Variants in RSF1 observed in about 807,000 individuals in gnomAD.
The protein encoded by RSF1 is HBV pX-associated protein 8.
A neutral mutation model predicts 145.2 loss-of-function variants in RSF1; 13 were observed. That is an observed-to-expected ratio of 0.09 (90% confidence interval 0.06 to 0.14). The LOEUF (loss-of-function observed/expected upper bound fraction) is 0.14. Among genes scored for constraint, RSF1 ranks in the 10% least tolerant of loss-of-function variants. The pLI is 1.00. For synonymous variants in RSF1, 577 were observed against 592.6 expected (o/e 0.97, Z 0.38); for missense variants, 1,517 against 1,718.2 (o/e 0.88, Z 2.07).
At chr11:77,790,111 AT>A (rs920122648) in intron 1 of RSF1, among the ~76,000 whole-genome samples, 3 of 152,152 alleles carry the variant, frequency 2.0e-5, no homozygotes, top group African/African-American at 7.2e-5. Context: ...GTATGAATCC[AT>A]TTTCACACTG....
intron 4 of RSF1, among the ~76,000 whole-genome samples, chr11:77,740,405 G>A (rs1961480410): frequency 6.6e-6 from 1 of 152,102 alleles, no homozygotes; most frequent in Non-Finnish European, 1.5e-5. Context: ...AGCTAAATAA[G>A]AACCAAACAA....
chr11:77,846,645 G>A, the RSF1 span, among the ~76,000 whole-genome samples: 1 of 152,222 alleles, frequency 6.6e-6, no homozygotes, highest in Non-Finnish European at 1.5e-5. Context: ...GGTGGAGGTT[G>A]CGGTGAGCCA....
chr11:77,792,959 T>C (rs1251207310), intron 1 of RSF1, among the ~76,000 whole-genome samples: 1 of 152,046 alleles, frequency 6.6e-6, no homozygotes, highest in African/African-American at 2.4e-5. Flanking sequence ...AAGTATAAAA[T>C]TCATGGGTAA....
At chr11:77,697,829 T>G (rs1411572425) in intron 7 of RSF1, among the ~76,000 whole-genome samples, 1 of 151,972 alleles carries the variant, frequency 6.6e-6, no homozygotes, top group East Asian at 1.9e-4. Context: ...CCTCAAGCAT[T>G]TACCATTTGT....
At chr11:77,750,283 C>T (rs1488185080) in intron 2 of RSF1, among the ~76,000 whole-genome samples, 1 of 152,126 alleles carries the variant, frequency 6.6e-6, no homozygotes. Flanking sequence ...AAGGCCCAAA[C>T]AAGAAATAAT....
intron 1 of RSF1, among the ~76,000 whole-genome samples, chr11:77,809,325 T>C (rs115619093): frequency 1.2e-4 from 19 of 152,344 alleles, no homozygotes; most frequent in African/African-American, 4.6e-4. Flanking sequence ...GCATTTAACC[T>C]ATAAAATTAT....
At chr11:77,865,003 C>G in the RSF1 span, among the ~76,000 whole-genome samples, 1 of 152,090 alleles carries the variant, frequency 6.6e-6, no homozygotes, top group Admixed American at 6.5e-5. Flanking sequence ...GACTGAATTA[C>G]TCTATTTCCA....
intron 1 of RSF1, among the ~76,000 whole-genome samples, chr11:77,801,062 A>T (rs1049436261): frequency 6.6e-6 from 1 of 152,178 alleles, no homozygotes; most frequent in Non-Finnish European, 1.5e-5. Context: ...TCCAAAACAC[A>T]GAAGAGGATA....
the RSF1 span, among the ~76,000 whole-genome samples, chr11:77,845,015 TTCTC>T: frequency 5.3e-5 from 8 of 152,210 alleles, no homozygotes; most frequent in Non-Finnish European, 1.0e-4. Context: ...GTTGAGTTGC[TTCTC>T]TCTAACTGCT....
intron 1 of RSF1, among the ~76,000 whole-genome samples, chr11:77,770,211 C>T (rs954010001): frequency 2.0e-5 from 3 of 152,118 alleles, no homozygotes; most frequent in African/African-American, 7.2e-5. Flanking sequence ...GCCTGTAATC[C>T]CAGCACTTTG....
At position 77,725,585 on chromosome 11, in the gene RSF1, C is replaced by T. The variant is rs1961034984; in HGVS notation, c.693G>A (p.Glu231=). 1.2e-6 allele frequency: 2 copies of T among 1,604,246 alleles called. No homozygotes were observed. The highest frequency in any genetic ancestry group is 1.7e-5 in the Admixed American group (1 of 58,856). The change falls in exon 5 of 16, where the codon GAG becomes GAA. Residue 231 remains glutamate (E), a synonymous_variant. Transcript: ENST00000308488. ...DNSSRESPSL[E]DEETKKEEET... ...CTTCCTCTTTTTTAGTCTCCTCATCCTCTAAGCTGGGACTTTCCCGAGAAG... is the reference window on the plus strand; with the variant it reads ...CTTCCTCTTTTTTAGTCTCCTCATCTTCTAAGCTGGGACTTTCCCGAGAAG...
intron 5 of RSF1, among the ~76,000 whole-genome samples, chr11:77,711,500 G>T (rs1438020127): frequency 6.6e-6 from 1 of 151,898 alleles, no homozygotes; most frequent in Non-Finnish European, 1.5e-5. Context: ...AACACCATCT[G>T]TACTAAAAAT....
Position 77,667,062 on chromosome 11 carries a change from G to T in RSF1, c.4181C>A (p.Pro1394His). 6.2e-7 allele frequency: 1 copy of T among 1,614,092 alleles called. No homozygotes were observed. The highest frequency in any genetic ancestry group is 8.5e-7 in the Non-Finnish European group (1 of 1,179,990). ...IGKPTEKSQTPKDNSTASASL... is the reference protein window; with the variant it reads ...IGKPTEKSQTHKDNSTASASL... ...TGCACTGGCTGTGCTGTTGTCCTTG[G>T]GGGTCTGAGACTTCTCAGTAGGCTT... is the stretch of plus-strand genomic sequence containing the variant. Residue 1394 changes from proline (P) to histidine (H), a missense_variant, in exon 16 of 16, where the codon CCC (proline) becomes CAC (histidine). Physicochemically the swap from Pro to His is moderately conservative, Grantham distance 77. Coordinates refer to ENST00000308488, the MANE Select transcript of RSF1 (RefSeq NM_016578.4).
At position 77,666,794 on chromosome 11, in the gene RSF1, T is replaced by G. The variant is rs913984214; in HGVS notation, c.*123A>C. On this transcript the variant is annotated 3_prime_UTR_variant, in exon 16 of 16. Transcript: ENST00000308488. ...AGAAAGACTTCAGGATTTGTTGAAA[T>G]TTTTCTTCTAAAAGTCATTCTGTAG... 1.4e-6 allele frequency: 1 copy of G among 714,038 alleles called. No homozygotes were observed. Among genetic ancestry groups the G allele is most frequent in the Non-Finnish European group, 2.1e-6 (1 of 467,562 alleles). 44.2% of individuals were successfully genotyped at this position (714,038 alleles called of 1,614,324 possible).
intron 2 of RSF1, among the ~76,000 whole-genome samples, chr11:77,753,902 G>T (rs147834936): frequency 3.3e-5 from 5 of 152,296 alleles, no homozygotes; most frequent in African/African-American, 1.2e-4. Context: ...GACCAAGTAT[G>T]CAGGAAGACC....
intron 1 of RSF1, among the ~76,000 whole-genome samples, chr11:77,805,712 ATC>A (rs1230074519): frequency 2.0e-5 from 3 of 152,246 alleles, no homozygotes; most frequent in Non-Finnish European, 2.9e-5. Flanking sequence ...TATTGCTATA[ATC>A]TGTTTATTCA....
intron 5 of RSF1, among the ~76,000 whole-genome samples, chr11:77,711,631 T>C (rs1055890001): frequency 1.3e-5 from 2 of 151,954 alleles, no homozygotes; most frequent in African/African-American, 2.4e-5. Context: ...GATCGAGCCA[T>C]TGCACTCCAG....
intron 11 of RSF1, among the ~76,000 whole-genome samples, chr11:77,679,565 T>TGG (rs567988668): frequency 6.6e-6 from 1 of 151,004 alleles, no homozygotes; most frequent in East Asian, 2.0e-4. Context: ...TCCAGCTACT[T>TGG]GGGGGGCCGA....
At chr11:77,785,537 C>T (rs1948445338) in intron 1 of RSF1, among the ~76,000 whole-genome samples, 1 of 151,612 alleles carries the variant, frequency 6.6e-6, no homozygotes, top group Non-Finnish European at 1.5e-5. Context: ...TTGCAGTGAG[C>T]CGAGCTCATG....
Sources: allele counts gnomAD v4.1 joint callset (sites outside exome capture counted in the v4.1 genomes callset), GRCh38; gene constraint gnomAD v4.1.1; transcripts MANE v1.5; gene names NCBI Gene and HGNC (gene_info 2026-07-23, HGNC 2026-07-21).